The following MAP7 variants were observed in gnomAD, a reference collection of about 807,000 sequenced individuals.
MAP7 encodes ensconsin.
In MAP7, 52 loss-of-function variants were observed where a neutral mutation model predicts 94.8. The observed-to-expected ratio is 0.55, with a 90% CI of 0.44 to 0.69. The LOEUF (loss-of-function observed/expected upper bound fraction) is 0.69. Among genes scored for constraint, MAP7 ranks in the 30% least tolerant of loss-of-function variants. The pLI, the probability that MAP7 is intolerant of heterozygous loss-of-function variation, is 0.00. For synonymous variants in MAP7, 350 were observed against 357.0 expected, an observed-to-expected ratio of 0.98 and a Z score of 0.22; for missense variants, 940 against 964.6, an observed-to-expected ratio of 0.97 and a Z score of 0.34.
chr6:136,437,104 T>C (rs1688182361), intron 1 of MAP7, among the ~76,000 whole-genome samples: 1 of 152,220 alleles, frequency 6.6e-6, no homozygotes, highest in Admixed American at 6.5e-5. Flanking sequence ...AAGGAGCAGT[T>C]TCAGCTTTCT....
chr6:136,541,323 T>C (rs576395009), intron 1 of MAP7, among the ~76,000 whole-genome samples: 1 of 152,182 alleles, frequency 6.6e-6, no homozygotes, highest in Non-Finnish European at 1.5e-5. Flanking sequence ...TTTAAACTGA[T>C]CCTAGAGAAC....
chr6:136,482,204 C>T (rs1813058262), intron 1 of MAP7, among the ~76,000 whole-genome samples: 1 of 152,182 alleles, frequency 6.6e-6, no homozygotes, highest in African/African-American at 2.4e-5. Context: ...CAGTGGAAAG[C>T]AGTTTGGTGA....
At chr6:136,399,971 T>C (rs1783590895) in intron 3 of MAP7, among the ~76,000 whole-genome samples, 1 of 152,176 alleles carries the variant, frequency 6.6e-6, no homozygotes, top group South Asian at 2.1e-4. Context: ...GGAATGAAAA[T>C]GTAATCATTA....
intron 1 of MAP7, among the ~76,000 whole-genome samples, chr6:136,433,688 C>A (rs1324315363): frequency 6.6e-6 from 1 of 152,226 alleles, no homozygotes; most frequent in South Asian, 2.1e-4. Flanking sequence ...GCAAGCCTAA[C>A]CTGCATGGGT....
rs187315430 is a variant in MAP7, at chr6:136,396,754, A to G, written c.245-7237T>C. On this transcript the variant is annotated intron_variant, in intron 3 of 17. Transcript: ENST00000354570. Reference sequence around the variant, plus strand: ...AGTTTTGTCAGGTCAAGGTGTGGGTAAAAAGAGGATCTTTCTCATAAATTT... The same window carrying G: ...AGTTTTGTCAGGTCAAGGTGTGGGTGAAAAGAGGATCTTTCTCATAAATTT... 4.5e-3 allele frequency among the ~76,000 whole-genome samples: 681 copies of G among 152,326 alleles called. 5 individuals carry two copies. The highest frequency in any genetic ancestry group is 0.016 in the African/African-American group (656 of 41,576).
chr6:136,496,776 C>CT lies in MAP7; in HGVS notation c.67+53565dup, dbSNP rs1489297571. ...CCAACAAGGTGAAACCCCGTCTCTA[C>CT]TAAAAAAAAAAAAAAAAAAAAAAAA... On this transcript the variant is annotated intron_variant, in intron 1 of 17. Transcript: ENST00000354570. 3.3e-4 allele frequency among the ~76,000 whole-genome samples: 23 copies of CT among 68,756 alleles called. No individual in the cohort carries two copies. In the East Asian group the frequency reaches 0.011, roughly 32 times the overall value. The allele number at this position is 68,756 out of a possible 152,430, so 45.1% of individuals were successfully genotyped here. A position where few individuals can be genotyped will look rare whatever the true frequency, so the allele number is the denominator to read the frequency against.
At chr6:136,491,231 TTTGTG>T (rs1816500699) in intron 1 of MAP7, among the ~76,000 whole-genome samples, 1 of 152,192 alleles carries the variant, frequency 6.6e-6, no homozygotes, top group Non-Finnish European at 1.5e-5. Flanking sequence ...TTCATTGTAC[TTTGTG>T]TTAAGCTGAA....
At chr6:136,525,074 T>C (rs948751288) in intron 1 of MAP7, among the ~76,000 whole-genome samples, 2 of 152,234 alleles carry the variant, frequency 1.3e-5, no homozygotes, top group Non-Finnish European at 2.9e-5. Flanking sequence ...ATTACAGCCC[T>C]GGGAGGGCAG....
intron 3 of MAP7, among the ~76,000 whole-genome samples, chr6:136,391,543 G>C (rs901022131): frequency 1.0e-5 from 1 of 97,436 alleles, no homozygotes. Flanking sequence ...CTAAAACTTA[G>C]AGTATAATAA....
chr6:136,456,815 AGAAGAAG>A (rs1803233290), intron 1 of MAP7, among the ~76,000 whole-genome samples: 3 of 91,924 alleles, frequency 3.3e-5, no homozygotes, highest in South Asian at 4.7e-4. Flanking sequence ...AAGAAGAAGA[AGAAGAAG>A]GAAGAAGAAG....
intron 16 of MAP7, among the ~76,000 whole-genome samples, chr6:136,347,963 T>C (rs181273801): frequency 6.6e-6 from 1 of 151,966 alleles, no homozygotes; most frequent in African/African-American, 2.4e-5. Context: ...GGAATGCCAC[T>C]AGGCATTATA....
chr6:136,361,305 G>A lies in MAP7; in HGVS notation c.1527-126C>T, dbSNP rs1439044486. The A allele has an allele frequency of 3.2e-6, 3 of 923,236 alleles. No individual in the cohort carries two copies. In the Admixed American group the frequency reaches 7.2e-5, roughly 22 times the overall value. The allele number at this position is 923,236 out of a possible 1,614,324, so 57.2% of individuals were successfully genotyped here. On this transcript the variant is annotated intron_variant, in intron 11 of 17. Transcript: ENST00000354570. ...TCCAGTAGAAAAATCCCCACTGGAT[G>A]CCTTCACCACTGCTAAGGGACAAAG...
At chr6:136,543,084 G>C (rs1469786481) in intron 1 of MAP7, among the ~76,000 whole-genome samples, 1 of 152,128 alleles carries the variant, frequency 6.6e-6, no homozygotes, top group Non-Finnish European at 1.5e-5. Flanking sequence ...ACAGTTACAT[G>C]AATCAGCAAT....
At chr6:136,392,040 G>A (rs1427230175) in intron 3 of MAP7, among the ~76,000 whole-genome samples, 2 of 152,090 alleles carry the variant, frequency 1.3e-5, no homozygotes, top group African/African-American at 2.4e-5. Flanking sequence ...TTTTGACAAC[G>A]TACACCATGC....
chr6:136,475,404 G>T (rs1343197744), intron 1 of MAP7, among the ~76,000 whole-genome samples: 2 of 152,144 alleles, frequency 1.3e-5, no homozygotes, highest in Non-Finnish European at 2.9e-5. Context: ...CATTTTTGGA[G>T]AATATATTAT....
intron 1 of MAP7, among the ~76,000 whole-genome samples, chr6:136,536,233 G>A (rs1250998710): frequency 6.6e-6 from 1 of 152,104 alleles, no homozygotes; most frequent in African/African-American, 2.4e-5. Context: ...AATCCAGCAA[G>A]GTTTTTTTGT....
At chr6:136,367,077 TTACCAGGAA>T (rs1179399229) in intron 8 of MAP7, among the ~76,000 whole-genome samples, 1 of 152,198 alleles carries the variant, frequency 6.6e-6, no homozygotes, top group Non-Finnish European at 1.5e-5. Context: ...TTGCTCTTCC[TTACCAGGAA>T]TAAACTGAAA....
intron 1 of MAP7, among the ~76,000 whole-genome samples, chr6:136,496,580 G>C (rs1452720840): frequency 1.3e-5 from 2 of 151,690 alleles, no homozygotes; most frequent in African/African-American, 2.4e-5. Context: ...CATTTAACTG[G>C]CATTTAAAAA....
intron 3 of MAP7, among the ~76,000 whole-genome samples, chr6:136,402,798 C>T (rs1013435321): frequency 2.7e-5 from 4 of 148,834 alleles, no homozygotes; most frequent in South Asian, 2.2e-4. Context: ...CCCAGCTACT[C>T]GGGAGGCTGA....
Sources: gnomAD v4.1 joint callset for allele counts (sites outside exome capture counted in the v4.1 genomes callset) on GRCh38, gnomAD v4.1.1 for gene constraint, MANE v1.5 for transcripts, NCBI Gene and HGNC (gene_info 2026-07-23, HGNC 2026-07-21) for gene names.